Variants in FIP1L1 observed in about 807,000 individuals in gnomAD.
The protein encoded by FIP1L1 is factor interacting with PAPOLA and CPSF1.
FIP1L1 carries 21 observed loss-of-function variants against 84.6 expected under a neutral mutation model. The ratio of observed to expected loss-of-function variants is 0.25; its 90% CI spans 0.18 to 0.36. The LOEUF (loss-of-function observed/expected upper bound fraction) is 0.36. Among genes scored for constraint, FIP1L1 ranks in the 10% least tolerant of loss-of-function variants. FIP1L1 has a pLI of 1.00. For synonymous variants in FIP1L1, 263 were observed against 242.3 expected, an observed-to-expected ratio of 1.09 and a Z score of -0.80; for missense variants, 526 against 751.1, an observed-to-expected ratio of 0.70 and a Z score of 3.50.
chr4:53,382,665 C>T (rs573593368), intron 4 of FIP1L1, among the ~76,000 whole-genome samples: 1 of 152,184 alleles, frequency 6.6e-6, no homozygotes, highest in East Asian at 1.9e-4. Flanking sequence ...TTCACTGTTA[C>T]GATTTTTTAA....
chr4:53,410,624 C>A (rs1312533034), intron 10 of FIP1L1, among the ~76,000 whole-genome samples: 1 of 152,104 alleles, frequency 6.6e-6, no homozygotes, highest in African/African-American at 2.4e-5. Context: ...ATAAAATAAA[C>A]AGCAAGTAAT....
chr4:53,412,563 T>C (rs545670052), intron 10 of FIP1L1, among the ~76,000 whole-genome samples: 16 of 152,254 alleles, frequency 1.1e-4, no homozygotes, highest in Admixed American at 3.9e-4. Flanking sequence ...TGGTTTTGCC[T>C]GATATTTTCT....
At chr4:53,402,234 G>A (rs1484796077) in intron 10 of FIP1L1, among the ~76,000 whole-genome samples, 14 of 152,280 alleles carry the variant, frequency 9.2e-5, no homozygotes, top group East Asian at 7.7e-4. Context: ...TGTATAAAAT[G>A]AAGATAAAAG....
chr4:53,388,945 CA>C (rs1440697521), intron 5 of FIP1L1, among the ~76,000 whole-genome samples: 1 of 152,040 alleles, frequency 6.6e-6, no homozygotes. Context: ...TGGGTTGGTC[CA>C]ACTTCAGATA....
At chr4:53,384,646 G>T (rs1304255789) in intron 5 of FIP1L1, among the ~76,000 whole-genome samples, 1 of 152,052 alleles carries the variant, frequency 6.6e-6, no homozygotes, top group African/African-American at 2.4e-5. Flanking sequence ...CTCCAATTTT[G>T]TATTCTATAA....
chr4:53,389,796 T>TG lies in FIP1L1; in HGVS notation c.333-12dup. The TG allele has an allele frequency of 6.3e-7, 1 of 1,594,958 alleles. No homozygotes were observed. The highest frequency in any genetic ancestry group is 1.2e-5 in the South Asian group (1 of 86,324). ...AGGATAATTTCTGTTTTTTTTTGTT[T>TG]GTTTGTTTTTAGGAGTTATGGTACA... On this transcript the variant is annotated splice_polypyrimidine_tract_variant and intron_variant, in intron 5 of 17. Transcript: ENST00000337488.
chr4:53,378,241 T>G (rs1735762490), intron 1 of FIP1L1: 1 of 283,112 alleles, frequency 3.5e-6, no homozygotes, highest in Non-Finnish European at 6.6e-6. Flanking sequence ...CTCTTTACCC[T>G]TGTTTTTTTC....
At chr4:53,438,876 TAG>T in intron 13 of FIP1L1, among the ~76,000 whole-genome samples, 1 of 152,298 alleles carries the variant, frequency 6.6e-6, no homozygotes, top group East Asian at 1.9e-4. Flanking sequence ...TAGTAAGCTG[TAG>T]TAAGCCTTAG....
chr4:53,456,471 C>G (rs1045769620), intron 16 of FIP1L1, among the ~76,000 whole-genome samples: 3 of 152,034 alleles, frequency 2.0e-5, no homozygotes, highest in Non-Finnish European at 4.4e-5. Flanking sequence ...TTGAGTTGTT[C>G]TGAATTATCC....
At position 53,430,789 on chromosome 4, in the gene FIP1L1, T is replaced by G. The variant is rs528049088; in HGVS notation, c.1174+2606T>G. 1.2e-4 allele frequency among the ~76,000 whole-genome samples: 19 copies of G among 152,362 alleles called. No homozygotes were observed. The South Asian group carries it at 3.7e-3, about 30-fold the overall frequency. On this transcript the variant is annotated intron_variant, in intron 13 of 17. Transcript: ENST00000337488. ...AATTCTCAGCTACATGCTTTCCATA[T>G]TTTAAAATCGAGATTTCCTTTTATG...
intron 10 of FIP1L1, among the ~76,000 whole-genome samples, chr4:53,400,094 G>A (rs1749457135): frequency 6.6e-6 from 1 of 152,158 alleles, no homozygotes; most frequent in Admixed American, 6.5e-5. Context: ...TTCAAGAGAG[G>A]TGAATAAAGA....
intron 12 of FIP1L1, 76 bp downstream of exon 12, chr4:53,426,041 A>T: frequency 1.0e-6 from 1 of 986,670 alleles, no homozygotes; most frequent in East Asian, 2.7e-5. Flanking sequence ...TATTCAATAG[A>T]TAGTCATAGT....
Position 53,379,099 on chromosome 4 carries a change from G to C in FIP1L1, c.112G>C (p.Asp38His), listed in dbSNP as rs1293625908. 1.1e-5 allele frequency: 18 copies of C among 1,614,020 alleles called. No individual in the cohort carries two copies. Among genetic ancestry groups the C allele is most frequent in the Non-Finnish European group, 1.5e-5 (18 of 1,180,006 alleles). ...CCCATGGGACGTGCATGTGCACAGT[G>C]ATTTGGCAAAGGACCTAGGTTAGTG... Reference protein sequence around the residue: ...GGPWDVHVHSDLAKDLDENEV... With the variant: ...GGPWDVHVHSHLAKDLDENEV... Residue 38 changes from aspartate to histidine, a missense_variant, in exon 2 of 18, where the codon GAT becomes CAT. Physicochemically the swap from Asp to His is moderately conservative, Grantham distance 81. Coordinates refer to ENST00000337488, the MANE Select transcript of FIP1L1 (RefSeq NM_030917.4).
chr4:53,429,275 G>A (rs1258449901), intron 13 of FIP1L1, among the ~76,000 whole-genome samples: 1 of 152,154 alleles, frequency 6.6e-6, no homozygotes, highest in Non-Finnish European at 1.5e-5. Flanking sequence ...GGAAGGAAGA[G>A]GTTGGAATAT....
intron 1 of FIP1L1, 145 bp from the exon 2 acceptor site, chr4:53,378,928 G>T (rs1736255423): frequency 1.3e-6 from 1 of 788,302 alleles, no homozygotes; most frequent in Non-Finnish European, 2.0e-6. Context: ...GAATGTGTAG[G>T]ATTTCTTTTA....
chr4:53,397,474 A>G (rs1748011573), intron 9 of FIP1L1, among the ~76,000 whole-genome samples: 1 of 152,208 alleles, frequency 6.6e-6, no homozygotes, highest in South Asian at 2.1e-4. Context: ...TCTTCTCTGA[A>G]GGCAGGATGT....
In FIP1L1 at chr4:53,436,395, CAG is replaced by C. The variant is rs370322324; in HGVS notation, c.1175-6257_1175-6256del. ...GTTTTTTTCTAGGCTGTTGCATTGACAGGGCTTCAGTTCCTCACTGGTGTAGG... is the reference window on the plus strand; with the variant it reads ...GTTTTTTTCTAGGCTGTTGCATTGACGGCTTCAGTTCCTCACTGGTGTAGG... On this transcript the variant is annotated intron_variant, in intron 13 of 17. Coordinates refer to ENST00000337488, the MANE Select transcript of FIP1L1 (RefSeq NM_030917.4). Among the ~76,000 whole-genome samples, 143 of 152,320 alleles carry C rather than the reference CAG, an allele frequency of 9.4e-4. 2 individuals are homozygous for C. In the South Asian group the frequency reaches 0.028, roughly 30 times the overall value.
intron 5 of FIP1L1, among the ~76,000 whole-genome samples, chr4:53,384,504 T>C (rs1739842986): frequency 6.6e-6 from 1 of 152,262 alleles, no homozygotes; most frequent in South Asian, 2.1e-4. Flanking sequence ...TATTTCACTT[T>C]ATTATCCAGA....
chr4:53,392,860 T>C (rs1236954884), intron 9 of FIP1L1, among the ~76,000 whole-genome samples: 3 of 152,228 alleles, frequency 2.0e-5, no homozygotes, highest in Admixed American at 2.0e-4. Flanking sequence ...TATTCCATTC[T>C]GATTGGATTC....
Sources: allele counts gnomAD v4.1 joint callset (sites outside exome capture counted in the v4.1 genomes callset), GRCh38; gene constraint gnomAD v4.1.1; transcripts MANE v1.5; gene names NCBI Gene and HGNC (gene_info 2026-07-23, HGNC 2026-07-21).